ABCA4: variants seen among roughly 807,000 people sequenced by gnomAD.
ABCA4 encodes the protein ATP binding cassette subfamily A member 4.
Under a neutral mutation model 263.7 loss-of-function variants are expected in ABCA4, and 196 were observed. The ratio of observed to expected loss-of-function variants is 0.74; its 90% CI spans 0.66 to 0.84. The LOEUF is 0.84. Ranked by LOEUF, ABCA4 falls within the 40% of genes least tolerant of loss-of-function variation. The pLI, the probability that ABCA4 is intolerant of heterozygous loss-of-function variation, is 0.00. For synonymous variants in ABCA4, 1,133 were observed against 1,094.2 expected (o/e 1.04, Z -0.70); for missense variants, 2,792 against 2,855.1 (o/e 0.98, Z 0.50).
At position 94,031,993 on chromosome 1, in the gene ABCA4, C is replaced by G; in HGVS notation, c.3913G>C (p.Gly1305Arg). ...GTCTGTCCAGCCTTCTCTCTGGGAC[C>G]CAAGCAGGGGTGTCGGGGGTTGACG... Reference protein sequence around the residue: ...ENVNPRHPCLGPREKAGQTPQ... With the variant: ...ENVNPRHPCLRPREKAGQTPQ... The change falls in exon 27 of 50, where the codon GGT becomes CGT. Residue 1305 changes from glycine (G) to arginine (R), a missense_variant. Physicochemically the swap from Gly to Arg is moderately radical, Grantham distance 125. Coordinates refer to ENST00000370225, the MANE Select transcript of ABCA4 (RefSeq NM_000350.3). The G allele has an allele frequency of 6.2e-7, 1 of 1,613,798 alleles. No individual in the cohort carries two copies. The highest frequency in any genetic ancestry group is 1.6e-4 in the Middle Eastern group (1 of 6,062).
intron 19 of ABCA4, 119 bp downstream of exon 19, chr1:94,046,800 G>T: frequency 7.8e-7 from 1 of 1,275,956 alleles, no homozygotes; most frequent in East Asian, 2.3e-5. Flanking sequence ...ACATTTTTGG[G>T]GCCGCAAATA....
intron 12 of ABCA4, 21 bp downstream of exon 12, chr1:94,063,091 G>C (rs564612656): frequency 7.5e-6 from 12 of 1,601,052 alleles, no homozygotes. Context: ...GAAATGCAGC[G>C]AGCCCTTCCT....
rs373540612 is a variant in ABCA4, at chr1:94,098,891, G to A, written c.671C>T (p.Thr224Met). 6.2e-5 allele frequency: 100 copies of A among 1,614,062 alleles called. No individual in the cohort carries two copies. The highest frequency in any genetic ancestry group is 1.2e-4 in the South Asian group (11 of 91,084). ...IIFSQRRGAK[T>M]VRYALCSLSQ... is the part of the protein sequence containing the mutation. ...GAGGGAGCACAGGGCATAGCGCACC[G>A]TCTTTGCCCCGCGTCTCTGGCTGAA... Residue 224 changes from threonine to methionine, a missense_variant, in exon 6 of 50, where the codon ACG (threonine) becomes ATG (methionine). Physicochemically the swap from Thr to Met is moderately conservative, Grantham distance 81. Transcript: ENST00000370225.
intron 4 of ABCA4, among the ~76,000 whole-genome samples, chr1:94,105,281 T>C (rs1662399971): frequency 6.6e-6 from 1 of 152,254 alleles, no homozygotes; most frequent in African/African-American, 2.4e-5. Context: ...TATCTCTTCG[T>C]TATTCTTTAA....
In ABCA4 at chr1:94,079,422, T is replaced by C. The variant is rs1661628331; in HGVS notation, c.1139A>G (p.Asn380Ser). Residue 380 changes from asparagine (N) to serine (S), a missense_variant, in exon 9 of 50, where the codon AAT becomes AGT. Asn to Ser is a conservative substitution (Grantham distance 46). Coordinates refer to ENST00000370225, the MANE Select transcript of ABCA4 (RefSeq NM_000350.3). ...CNALIQSLESNPLTKIAWRAA... is the reference protein window; with the variant it reads ...CNALIQSLESSPLTKIAWRAA... ...CCTCCAAGCGATTTTGGTTAAAGGA[T>C]TTGACTCCAGGCTCTGGATCAATGC... The C allele has an allele frequency of 3.7e-6, 6 of 1,614,206 alleles. No homozygotes were observed. Among genetic ancestry groups the C allele is most frequent in the Non-Finnish European group, 4.2e-6 (5 of 1,180,028 alleles).
rs961072032 is a variant in ABCA4 at position 94,056,839 on chromosome 1, A to G, written c.2161-17T>C. The G allele has an allele frequency of 3.2e-6, 5 of 1,574,450 alleles. No individual in the cohort carries two copies. The highest frequency in any genetic ancestry group is 4.3e-6 in the Non-Finnish European group (5 of 1,157,792). ...TCTTCCATGCTGAAACCAAGAGGCC[A>G]TGCGTCAGTAACTCCTGCCCTTGGC... On this transcript the variant is annotated splice_polypyrimidine_tract_variant and intron_variant, in intron 14 of 49. Transcript: ENST00000370225.
At chr1:94,011,005 A>G (rs1659530871) in intron 39 of ABCA4, 76 bp from the exon 40 acceptor site, 2 of 1,610,696 alleles carry the variant, frequency 1.2e-6, no homozygotes, top group African/African-American at 2.7e-5. Flanking sequence ...CACAGGGCCC[A>G]CTAGACCAGG....
intron 1 of ABCA4, 56 bp downstream of exon 1, chr1:94,120,924 C>A: frequency 4.8e-5 from 33 of 690,976 alleles, no homozygotes; most frequent in Non-Finnish European, 7.3e-5. Context: ...CCCCACACTT[C>A]CAACCTGTTT....
intron 5 of ABCA4, among the ~76,000 whole-genome samples, chr1:94,100,329 G>A (rs1044852087): frequency 1.3e-5 from 2 of 152,250 alleles, no homozygotes; most frequent in Admixed American, 6.5e-5. Context: ...GCCCTTCCAA[G>A]TGTTCACATA....
chr1:94,101,302 G>A (rs897326872), intron 5 of ABCA4, among the ~76,000 whole-genome samples: 7 of 151,782 alleles, frequency 4.6e-5, no homozygotes, highest in African/African-American at 1.7e-4. Flanking sequence ...AAGCAAAGGG[G>A]AAAATGAGCA....
At chr1:94,078,012 G>A in intron 10 of ABCA4, 125 bp from the exon 11 acceptor site, 2 of 908,732 alleles carry the variant, frequency 2.2e-6, no homozygotes, top group South Asian at 3.1e-5. Context: ...CTGAAGAGCT[G>A]GTGAGCTTGT....
chr1:94,015,780 TGGA>T lies in ABCA4; in HGVS notation c.5268_5270del (p.Pro1757del). 1 of 1,613,986 alleles carries T rather than the reference TGGA, an allele frequency of 6.2e-7. No individual in the cohort carries two copies. Among genetic ancestry groups the T allele is most frequent in the Non-Finnish European group, 8.5e-7 (1 of 1,180,004 alleles). ...GTGCCACAAGGGCAGGAAGGTTTTC[TGGA>T]GAAGTGTAGGCTTTCTTCTGAAACC... On this transcript the variant is annotated inframe_deletion, in exon 37 of 50. Coordinates refer to ENST00000370225, the MANE Select transcript of ABCA4 (RefSeq NM_000350.3).
chr1:94,010,195 G>A (rs1368576017), intron 40 of ABCA4, among the ~76,000 whole-genome samples: 1 of 152,218 alleles, frequency 6.6e-6, no homozygotes, highest in Non-Finnish European at 1.5e-5. Context: ...ATAAAGGTAG[G>A]ACTGGATTGC....
chr1:94,072,504 G>A (rs1440727338), intron 11 of ABCA4, among the ~76,000 whole-genome samples: 1 of 152,136 alleles, frequency 6.6e-6, no homozygotes, highest in African/African-American at 2.4e-5. Context: ...AAAATCCAAA[G>A]GGGAGGGGTG....
At chr1:94,079,211 A>T (rs1661619091) in intron 9 of ABCA4, 111 bp downstream of exon 9, 1 of 1,515,878 alleles carries the variant, frequency 6.6e-7, no homozygotes, top group South Asian at 1.1e-5. Flanking sequence ...TTAGCAAAAA[A>T]CAAACATGAG....
chr1:94,096,500 G>A (rs1170881231), intron 6 of ABCA4, among the ~76,000 whole-genome samples: 1 of 152,208 alleles, frequency 6.6e-6, no homozygotes, highest in African/African-American at 2.4e-5. Flanking sequence ...CCTGCATACA[G>A]AAACCGAGAA....
At chr1:94,101,459 C>T (rs1020584450) in intron 5 of ABCA4, among the ~76,000 whole-genome samples, 9 of 152,204 alleles carry the variant, frequency 5.9e-5, no homozygotes, top group Non-Finnish European at 8.8e-5. Context: ...TGTCTAGTTT[C>T]GGTGAAAACC....
At chr1:94,053,951 C>A (rs1030692132) in intron 16 of ABCA4, among the ~76,000 whole-genome samples, 1 of 152,232 alleles carries the variant, frequency 6.6e-6, no homozygotes, top group Non-Finnish European at 1.5e-5. Context: ...TGTCCCTCCC[C>A]ATGGACTGGA....
At chr1:94,080,757 C>A (rs761653736) in intron 7 of ABCA4, 39 bp from the exon 8 acceptor site, 3 of 1,613,974 alleles carry the variant, frequency 1.9e-6, no homozygotes, top group Non-Finnish European at 2.5e-6. Context: ...TTTAAGGCAG[C>A]TAGAGTCATA....
Sources: gnomAD v4.1 joint callset for allele counts (sites outside exome capture counted in the v4.1 genomes callset) on GRCh38, gnomAD v4.1.1 for gene constraint, MANE v1.5 for transcripts, NCBI Gene and HGNC (gene_info 2026-07-23, HGNC 2026-07-21) for gene names.